The following CTNNA2 variants were observed in gnomAD, a reference collection of about 807,000 sequenced individuals.
CTNNA2 encodes catenin alpha 2.
Under a neutral mutation model 101.0 loss-of-function variants are expected in CTNNA2, and 42 were observed. The ratio of observed to expected loss-of-function variants is 0.42; its 90% CI spans 0.32 to 0.54. The LOEUF (loss-of-function observed/expected upper bound fraction) is 0.54, where lower values mean the gene tolerates loss of function less well. Ranked by LOEUF, CTNNA2 falls within the 20% of genes least tolerant of loss-of-function variation. The pLI is 0.14. For missense variants in CTNNA2, 871 were observed against 1,223.1 expected, an observed-to-expected ratio of 0.71 and a Z score of 4.29; for synonymous variants, 450 against 456.4, an observed-to-expected ratio of 0.99 and a Z score of 0.18.
At chr2:80,412,806 G>C in intron 8 of CTNNA2, among the ~76,000 whole-genome samples, 1 of 152,016 alleles carries the variant, frequency 6.6e-6, no homozygotes, top group Non-Finnish European at 1.5e-5. Flanking sequence ...CAATAGGTTC[G>C]TCACCCTTTT....
intron 7 of CTNNA2, among the ~76,000 whole-genome samples, chr2:79,915,100 A>G (rs1686100011): frequency 6.6e-6 from 1 of 152,094 alleles, no homozygotes; most frequent in Non-Finnish European, 1.5e-5. Context: ...GTAATACATG[A>G]GATGATATCC....
chr2:79,595,491 C>T (rs891891988), intron 1 of CTNNA2, among the ~76,000 whole-genome samples: 11 of 152,106 alleles, frequency 7.2e-5, no homozygotes, highest in Admixed American at 6.5e-4. Flanking sequence ...TCCCAATTGT[C>T]GTATTGCTTC....
intron 3 of CTNNA2, among the ~76,000 whole-genome samples, chr2:79,336,483 C>T (rs575355532): frequency 2.0e-5 from 3 of 152,268 alleles, no homozygotes; most frequent in East Asian, 3.9e-4. Context: ...TGGCTCTTTG[C>T]CCTCAGCTGT....
chr2:79,898,253 C>T (rs1416897111), intron 6 of CTNNA2, among the ~76,000 whole-genome samples: 1 of 152,058 alleles, frequency 6.6e-6, no homozygotes, highest in Non-Finnish European at 1.5e-5. Context: ...CCTGCCTCAG[C>T]CTCCCGAGTA....
chr2:79,503,935 T>C (rs1399538652), intron 4 of CTNNA2, among the ~76,000 whole-genome samples: 3 of 152,180 alleles, frequency 2.0e-5, no homozygotes, highest in African/African-American at 4.8e-5. Flanking sequence ...TGCTGCTCTA[T>C]AGTGGAGACA....
chr2:79,852,121 T>A (rs1680761820), intron 3 of CTNNA2, among the ~76,000 whole-genome samples: 1 of 152,210 alleles, frequency 6.6e-6, no homozygotes, highest in East Asian at 1.9e-4. Flanking sequence ...ATAATTTATG[T>A]AATTAGATAA....
intron 7 of CTNNA2, among the ~76,000 whole-genome samples, chr2:80,054,541 C>T (rs1030173128): frequency 6.6e-6 from 1 of 152,132 alleles, no homozygotes; most frequent in African/African-American, 2.4e-5. Context: ...TGTTGGGTGC[C>T]AGGCAGGGGT....
chr2:80,101,132 CT>C (rs1558809188), intron 7 of CTNNA2, among the ~76,000 whole-genome samples: 1 of 152,084 alleles, frequency 6.6e-6, no homozygotes, highest in Non-Finnish European at 1.5e-5. Flanking sequence ...TGAGAAATAT[CT>C]AGTGGATATT....
rs150786841 is a variant in CTNNA2, at chr2:79,796,084, A to G, written c.298+51502A>G. 3.0e-3 allele frequency among the ~76,000 whole-genome samples: 462 copies of G among 152,304 alleles called. 1 individual carries two copies. The highest frequency in any genetic ancestry group is 4.6e-3 in the Non-Finnish European group (312 of 68,026). On this transcript the variant is annotated intron_variant, in intron 3 of 18. Coordinates refer to ENST00000402739, the MANE Select transcript of CTNNA2 (RefSeq NM_001282597.3). ...ACCAGATCCCAAGTGACAGGGATGC[A>G]TCTGCTCTTTAATACATTTATATTT...
intron 8 of CTNNA2, among the ~76,000 whole-genome samples, chr2:80,409,434 T>C (rs546444967): frequency 7.9e-5 from 12 of 152,308 alleles, no homozygotes; most frequent in Middle Eastern, 3.4e-3. Context: ...ATGAGGCCAG[T>C]CAACCATGTG....
At chr2:79,937,043 C>T (rs1687839931) in intron 7 of CTNNA2, among the ~76,000 whole-genome samples, 1 of 152,148 alleles carries the variant, frequency 6.6e-6, no homozygotes, top group Non-Finnish European at 1.5e-5. Context: ...CTCCAGATGT[C>T]TTTTTATGAC....
intron 4 of CTNNA2, among the ~76,000 whole-genome samples, chr2:79,379,787 G>A (rs767036320): frequency 3.3e-5 from 5 of 151,972 alleles, no homozygotes; most frequent in African/African-American, 9.7e-5. Context: ...TCCCAGATTC[G>A]TATTCAAAAA....
chr2:79,802,818 G>T (rs1203905310), intron 3 of CTNNA2, among the ~76,000 whole-genome samples: 1 of 152,218 alleles, frequency 6.6e-6, no homozygotes, highest in Admixed American at 6.5e-5. Context: ...GGGACAGAAA[G>T]TGGTTTTCAA....
At chr2:79,517,576 T>G (rs530610892) in intron 1 of CTNNA2, among the ~76,000 whole-genome samples, 1 of 152,178 alleles carries the variant, frequency 6.6e-6, no homozygotes, top group African/African-American at 2.4e-5. Context: ...GTTTTAAAAA[T>G]TCAGCAAATC....
chr2:80,232,822 C>T (rs1356796705), intron 7 of CTNNA2, among the ~76,000 whole-genome samples: 1 of 152,116 alleles, frequency 6.6e-6, no homozygotes, highest in Non-Finnish European at 1.5e-5. Flanking sequence ...ACCAAACAAC[C>T]TTGACTGACC....
At chr2:79,848,872 A>C (rs1680451337) in intron 3 of CTNNA2, among the ~76,000 whole-genome samples, 1 of 152,052 alleles carries the variant, frequency 6.6e-6, no homozygotes, top group African/African-American at 2.4e-5. Context: ...AGGTGAGGAG[A>C]GTTTGATTTG....
chr2:79,215,803 C>T (rs1170903883), intron 2 of CTNNA2, among the ~76,000 whole-genome samples: 1 of 151,908 alleles, frequency 6.6e-6, no homozygotes, highest in African/African-American at 2.4e-5. Flanking sequence ...GTAAGCCAGA[C>T]CGGGTGTGAG....
intron 4 of CTNNA2, among the ~76,000 whole-genome samples, chr2:79,398,725 C>T (rs963106943): frequency 1.3e-5 from 2 of 151,546 alleles, no homozygotes; most frequent in Non-Finnish European, 2.9e-5. Flanking sequence ...GAAAACCTAC[C>T]CTTCCATAAC....
At chr2:79,418,345 G>T (rs6724207) in intron 4 of CTNNA2, among the ~76,000 whole-genome samples, 1 of 151,926 alleles carries the variant, frequency 6.6e-6, no homozygotes, top group African/African-American at 2.4e-5. Flanking sequence ...GCTTTACAAA[G>T]GTGGTTGGTT....
Sources: gnomAD v4.1 joint callset for allele counts (sites outside exome capture counted in the v4.1 genomes callset) on GRCh38, gnomAD v4.1.1 for gene constraint, MANE v1.5 for transcripts, NCBI Gene and HGNC (gene_info 2026-07-23, HGNC 2026-07-21) for gene names.